Variants in SCAPER observed in about 807,000 individuals in gnomAD.
SCAPER encodes the protein S-phase cyclin A associated protein in the ER.
A neutral mutation model predicts 182.2 loss-of-function variants in SCAPER; 98 were observed. The ratio of observed to expected loss-of-function variants is 0.54; its 90% CI spans 0.46 to 0.64. The LOEUF (loss-of-function observed/expected upper bound fraction) is 0.64, where lower values mean the gene tolerates loss of function less well. Among genes scored for constraint, SCAPER ranks in the 30% least tolerant of loss-of-function variants. SCAPER has a pLI of 0.00. For synonymous variants in SCAPER, 605 were observed against 564.6 expected (o/e 1.07, Z -1.01); for missense variants, 1,432 against 1,690.0 (o/e 0.85, Z 2.68).
intron 5 of SCAPER, among the ~76,000 whole-genome samples, chr15:76,834,370 G>A (rs2068754046): frequency 6.6e-6 from 1 of 152,134 alleles, no homozygotes; most frequent in Non-Finnish European, 1.5e-5. Context: ...AAAGTTTATA[G>A]CACTAAATGC....
At chr15:76,441,365 T>G (rs1397398143) in intron 25 of SCAPER, among the ~76,000 whole-genome samples, 1 of 152,216 alleles carries the variant, frequency 6.6e-6, no homozygotes, top group Non-Finnish European at 1.5e-5. Context: ...CAAGATAAAA[T>G]GTCAGCAAAC....
rs564459040 is a variant in SCAPER at position 76,641,684 on chromosome 15, G to T, written c.2646-19855C>A. 2.0e-5 allele frequency among the ~76,000 whole-genome samples: 3 copies of T among 152,084 alleles called. No homozygotes were observed. In the South Asian group the frequency reaches 6.2e-4, roughly 32 times the overall value. ...ACTTGGCTAATTGCTCACCCAGCAGGAACAAGAAAAGGAGGCACTGGGGGT... is the reference window on the plus strand; with the variant it reads ...ACTTGGCTAATTGCTCACCCAGCAGTAACAAGAAAAGGAGGCACTGGGGGT... On this transcript the variant is annotated intron_variant, in intron 21 of 31. Transcript: ENST00000563290.
rs769389030 is a variant in SCAPER at position 76,701,743 on chromosome 15, A to C, written c.2508+15T>G. On this transcript the variant is annotated intron_variant, in intron 20 of 31. Transcript: ENST00000563290. ...ACTCAATAAACAATTGTAAATGAAC[A>C]AAAATAAAGTTTACCACTTCTTCAT... The C allele has an allele frequency of 3.1e-6, 5 of 1,602,024 alleles. No individual in the cohort carries two copies. In the Admixed American group the frequency reaches 6.7e-5, roughly 21 times the overall value.
intron 26 of SCAPER, among the ~76,000 whole-genome samples, chr15:76,429,364 G>A (rs2046698486): frequency 6.6e-6 from 1 of 152,174 alleles, no homozygotes; most frequent in Non-Finnish European, 1.5e-5. Context: ...AACAGGTAAA[G>A]GTTGGAACAG....
intron 27 of SCAPER, among the ~76,000 whole-genome samples, chr15:76,398,187 A>C (rs1023311129): frequency 2.0e-5 from 3 of 152,192 alleles, no homozygotes; most frequent in Admixed American, 2.0e-4. Flanking sequence ...TGCTCTAAAA[A>C]ACAGCTAATC....
At position 76,594,371 on chromosome 15, in the gene SCAPER, T is replaced by C. The variant is rs537922661; in HGVS notation, c.2712-20087A>G. Among the ~76,000 whole-genome samples, 100 of 120,100 alleles carry C rather than the reference T, an allele frequency of 8.3e-4. 11 individuals carry two copies. Among genetic ancestry groups the C allele is most frequent in the African/African-American group, 2.4e-3 (95 of 39,548 alleles). 78.8% of individuals were successfully genotyped at this position (120,100 alleles called of 152,430 possible). On this transcript the variant is annotated intron_variant, in intron 22 of 31. Transcript: ENST00000563290. ...TTTGATTGGTGTGCCTGAAAGTGAC[T>C]GGGAGAATGGAACCAAGTTGGAAAA...
chr15:76,496,781 G>C (rs1247023790), intron 24 of SCAPER, among the ~76,000 whole-genome samples: 1 of 151,930 alleles, frequency 6.6e-6, no homozygotes, highest in African/African-American at 2.4e-5. Context: ...ATTCTTTTTT[G>C]ATGTGAAGAA....
intron 15 of SCAPER, among the ~76,000 whole-genome samples, chr15:76,736,085 G>A (rs76757919): frequency 0.016 from 2,371 of 152,132 alleles, 62 homozygotes; most frequent in African/African-American, 0.055. Context: ...ACTGAGTATC[G>A]CAATAAAGGA....
chr15:76,762,058 T>A (rs2062818525), intron 14 of SCAPER, among the ~76,000 whole-genome samples: 1 of 152,240 alleles, frequency 6.6e-6, no homozygotes, highest in African/African-American at 2.4e-5. Context: ...GGGACACTTC[T>A]TGTCCTAAAG....
At chr15:76,878,316 G>C (rs1158184063) in intron 2 of SCAPER, among the ~76,000 whole-genome samples, 4 of 152,052 alleles carry the variant, frequency 2.6e-5, no homozygotes, top group African/African-American at 9.7e-5. Context: ...CTGGCAAAAG[G>C]ATATATGAGA....
intron 2 of SCAPER, among the ~76,000 whole-genome samples, chr15:76,873,462 CTA>C (rs1227665432): frequency 1.3e-5 from 2 of 151,632 alleles, no homozygotes; most frequent in Non-Finnish European, 2.9e-5. Flanking sequence ...AGATATACTG[CTA>C]GAGTATATAT....
chr15:76,769,442 C>CCA (rs2063322097), intron 10 of SCAPER, among the ~76,000 whole-genome samples: 1 of 69,956 alleles, frequency 1.4e-5, no homozygotes, highest in Non-Finnish European at 2.8e-5. Flanking sequence ...GACTCTGTCT[C>CCA]AAAAAAAAAA....
At chr15:76,515,097 G>T (rs937027011) in intron 23 of SCAPER, among the ~76,000 whole-genome samples, 11 of 152,220 alleles carry the variant, frequency 7.2e-5, no homozygotes, top group Non-Finnish European at 1.2e-4. Flanking sequence ...ATAAGCTACA[G>T]TTTGAAGGCT....
chr15:76,765,215 T>TG, intron 13 of SCAPER, 122 bp downstream of exon 13: 1 of 1,020,760 alleles, frequency 9.8e-7, no homozygotes, highest in South Asian at 1.7e-5. Flanking sequence ...TACTTTTCAA[T>TG]GGATCTGAAA....
In SCAPER at chr15:76,695,282, C is replaced by G. The variant is rs568270517; in HGVS notation, c.2508+6476G>C. On this transcript the variant is annotated intron_variant, in intron 20 of 31. Coordinates refer to ENST00000563290, the MANE Select transcript of SCAPER (RefSeq NM_020843.4). ...TAATTCTAAAACTCTAAAAAGCAAG[C>G]TTGTATTCTTTCCTTTATAAAAATT... 3.3e-5 allele frequency among the ~76,000 whole-genome samples: 5 copies of G among 152,140 alleles called. No homozygotes were observed. In the South Asian group the frequency reaches 8.3e-4, roughly 25 times the overall value.
At chr15:76,767,893 T>C (rs1200937451) in intron 10 of SCAPER, among the ~76,000 whole-genome samples, 1 of 152,116 alleles carries the variant, frequency 6.6e-6, no homozygotes, top group Non-Finnish European at 1.5e-5. Flanking sequence ...GTAAAAGGTC[T>C]ATGCTAATTA....
chr15:76,623,007 C>A (rs1246319483), intron 21 of SCAPER, among the ~76,000 whole-genome samples: 1 of 152,026 alleles, frequency 6.6e-6, no homozygotes, highest in East Asian at 1.9e-4. Context: ...GGCACCTCAC[C>A]CCGTGAGCAT....
At chr15:76,377,611 C>T (rs889812229) in intron 28 of SCAPER, among the ~76,000 whole-genome samples, 1 of 152,162 alleles carries the variant, frequency 6.6e-6, no homozygotes, top group African/African-American at 2.4e-5. Context: ...AAACTGAATG[C>T]AATATACAAT....
intron 29 of SCAPER, among the ~76,000 whole-genome samples, chr15:76,372,361 T>G (rs2042241213): frequency 6.6e-6 from 1 of 152,132 alleles, no homozygotes; most frequent in African/African-American, 2.4e-5. Flanking sequence ...TTTTTCCCCA[T>G]CCCAGCATTC....
Sources: gnomAD v4.1 joint callset for allele counts (sites outside exome capture counted in the v4.1 genomes callset) on GRCh38, gnomAD v4.1.1 for gene constraint, MANE v1.5 for transcripts, NCBI Gene and HGNC (gene_info 2026-07-23, HGNC 2026-07-21) for gene names.